Variants in KLF12 observed in about 807,000 individuals in gnomAD.
The protein encoded by KLF12 is KLF transcription factor 12.
In KLF12, 9 loss-of-function variants were observed where a neutral mutation model predicts 37.8. The observed-to-expected ratio is 0.24, with a 90% confidence interval of 0.14 to 0.42. KLF12 has a LOEUF of 0.42. Among genes scored for constraint, KLF12 ranks in the 10% least tolerant of loss-of-function variants. KLF12 has a pLI of 1.00. For synonymous variants in KLF12, 208 were observed against 202.1 expected (o/e 1.03, Z -0.25); for missense variants, 411 against 516.0 (o/e 0.80, Z 1.97).
the KLF12 span, among the ~76,000 whole-genome samples, chr13:74,239,890 T>TTTA: frequency 6.6e-6 from 1 of 151,710 alleles, no homozygotes; most frequent in Non-Finnish European, 1.5e-5. Context: ...GTCTTGACTC[T>TTTA]TTATCCAATT....
rs923071202 is a variant in KLF12 at position 73,964,669 on chromosome 13, AC to A, written c.34-20600del. Among the ~76,000 whole-genome samples the A allele has an allele frequency of 1.1e-3, 167 of 150,066 alleles. 2 individuals carry two copies. Among genetic ancestry groups the A allele is most frequent in the African/African-American group, 4.0e-3 (161 of 40,632 alleles). ...TAGTGTATACCCGAAAGCTTTTTGGACCCCCCAATTCTTTCAAAAAGGTATC... is the reference window on the plus strand; with the variant it reads ...TAGTGTATACCCGAAAGCTTTTTGGACCCCCAATTCTTTCAAAAAGGTATC... On this transcript the variant is annotated intron_variant, in intron 2 of 7. Coordinates refer to ENST00000377669, the MANE Select transcript of KLF12 (RefSeq NM_007249.5).
intron 1 of KLF12, among the ~76,000 whole-genome samples, chr13:74,122,245 C>T (rs1877671958): frequency 6.6e-6 from 1 of 151,930 alleles, no homozygotes; most frequent in South Asian, 2.1e-4. Flanking sequence ...GGACAATAAC[C>T]AATTTTTTTA....
chr13:73,977,217 A>G (rs1329146692), intron 2 of KLF12, among the ~76,000 whole-genome samples: 2 of 151,518 alleles, frequency 1.3e-5, no homozygotes, highest in African/African-American at 2.4e-5. Context: ...TAGCTTTTGT[A>G]TTTTTTTTGT....
In KLF12 at chr13:73,715,454, C is replaced by A. The variant is rs1361186909; in HGVS notation, c.941G>T (p.Arg314Leu). The change falls in exon 7 of 8, where the codon CGG becomes CTG. Residue 314 changes from arginine to leucine, a missense_variant. Transcript: ENST00000377669. ...CTCAAAATCACATCTGTGGATACGC[C>A]GTTTTCTGGAGTCTGGGGATTCAGA... The A allele has an allele frequency of 6.2e-7, 1 of 1,613,892 alleles. No homozygotes were observed. Among genetic ancestry groups the A allele is most frequent in the Non-Finnish European group, 8.5e-7 (1 of 1,179,958 alleles).
chr13:74,059,814 T>C (rs1371402289), intron 1 of KLF12, among the ~76,000 whole-genome samples: 5 of 152,232 alleles, frequency 3.3e-5, no homozygotes, highest in African/African-American at 1.2e-4. Context: ...TTTAGTTGCA[T>C]TTGCTTTTGG....
intron 6 of KLF12, among the ~76,000 whole-genome samples, chr13:73,718,808 T>C (rs1308802638): frequency 1.3e-5 from 2 of 152,136 alleles, no homozygotes; most frequent in Non-Finnish European, 2.9e-5. Context: ...GTGAGAGGAT[T>C]GCTTAGGCTG....
chr13:73,854,038 A>T (rs889234008), intron 3 of KLF12, among the ~76,000 whole-genome samples: 1 of 152,234 alleles, frequency 6.6e-6, no homozygotes. Flanking sequence ...TTTTTAAACA[A>T]CATTTCACAA....
chr13:73,765,106 A>G, intron 5 of KLF12, 106 bp from the exon 6 acceptor site: 1 of 659,074 alleles, frequency 1.5e-6, no homozygotes, highest in Non-Finnish European at 2.6e-6. Context: ...ATTGCTTAAT[A>G]CAAAATCCCC....
intron 6 of KLF12, among the ~76,000 whole-genome samples, chr13:73,737,055 C>T (rs1877514445): frequency 6.6e-6 from 1 of 152,142 alleles, no homozygotes; most frequent in Admixed American, 6.6e-5. Flanking sequence ...TCTCTCCCTA[C>T]TTTCCAATCT....
At chr13:74,091,616 T>G (rs147933534) in intron 1 of KLF12, among the ~76,000 whole-genome samples, 4 of 152,292 alleles carry the variant, frequency 2.6e-5, no homozygotes, top group African/African-American at 9.6e-5. Flanking sequence ...CTTTTAGCAA[T>G]TATGACTATA....
chr13:74,081,296 T>C (rs1354659264), intron 1 of KLF12, among the ~76,000 whole-genome samples: 1 of 152,212 alleles, frequency 6.6e-6, no homozygotes, highest in East Asian at 1.9e-4. Context: ...GTAAAACATT[T>C]AGCACAATAA....
At chr13:73,806,649 C>CAAAAAAAAAAAAAA (rs11482328) in intron 5 of KLF12, among the ~76,000 whole-genome samples, 1 of 108,318 alleles carries the variant, frequency 9.2e-6, no homozygotes, top group Non-Finnish European at 1.9e-5. Flanking sequence ...AAAAAACAAA[C>CAAAAAAAAAAAAAA]AAAAAAAAAA....
chr13:73,757,268 C>A (rs1359063643), intron 6 of KLF12, among the ~76,000 whole-genome samples: 1 of 152,126 alleles, frequency 6.6e-6, no homozygotes, highest in Non-Finnish European at 1.5e-5. Flanking sequence ...TAGCTGAGGG[C>A]TTATGTAAAA....
At chr13:74,111,108 C>A (rs1462112777) in intron 1 of KLF12, among the ~76,000 whole-genome samples, 2 of 151,116 alleles carry the variant, frequency 1.3e-5, no homozygotes, top group Non-Finnish European at 3.0e-5. Context: ...AGCCAAGATC[C>A]CACCATTGCA....
At chr13:73,856,193 AAGG>A (rs1484294150) in intron 3 of KLF12, among the ~76,000 whole-genome samples, 2 of 152,200 alleles carry the variant, frequency 1.3e-5, no homozygotes, top group African/African-American at 2.4e-5. Context: ...GGGAGGCAGA[AAGG>A]AGGACAACTG....
intron 1 of KLF12, among the ~76,000 whole-genome samples, chr13:74,114,181 A>G (rs548170123): frequency 2.0e-5 from 3 of 152,186 alleles, no homozygotes; most frequent in Non-Finnish European, 2.9e-5. Flanking sequence ...ATGAACTGCC[A>G]TGGCCACCCC....
chr13:74,256,321 GAC>G, the KLF12 span, among the ~76,000 whole-genome samples: 113 of 152,144 alleles, frequency 7.4e-4, no homozygotes, highest in African/African-American at 2.6e-3. Flanking sequence ...TGAAAATAAA[GAC>G]AACTGAATTC....
the KLF12 span, among the ~76,000 whole-genome samples, chr13:74,266,689 C>A: frequency 6.6e-6 from 1 of 152,148 alleles, no homozygotes; most frequent in Non-Finnish European, 1.5e-5. Context: ...AGATAGATAG[C>A]TCTTGGTTTA....
At chr13:73,993,175 TA>T (rs911273920) in intron 2 of KLF12, among the ~76,000 whole-genome samples, 2 of 152,316 alleles carry the variant, frequency 1.3e-5, no homozygotes, top group Admixed American at 6.5e-5. Flanking sequence ...GAGGTTGCAG[TA>T]AGCCGAGATC....
Sources: allele counts gnomAD v4.1 joint callset (sites outside exome capture counted in the v4.1 genomes callset), GRCh38; gene constraint gnomAD v4.1.1; transcripts MANE v1.5; gene names NCBI Gene and HGNC (gene_info 2026-07-23, HGNC 2026-07-21).